APC: variants seen among roughly 807,000 people sequenced by gnomAD.
The protein encoded by APC is APC regulator of Wnt signaling pathway.
APC carries 72 observed loss-of-function variants against 247.0 expected under a neutral mutation model. The ratio of observed to expected loss-of-function variants is 0.29; its 90% confidence interval spans 0.24 to 0.35. APC has a LOEUF of 0.35. Ranked by LOEUF, APC falls within the 10% of genes least tolerant of loss-of-function variation. APC has a pLI of 1.00. For synonymous variants in APC, 1,254 were observed against 1,162.5 expected, an observed-to-expected ratio of 1.08 and a Z score of -1.60; for missense variants, 3,400 against 3,360.7, an observed-to-expected ratio of 1.01 and a Z score of -0.29.
At chr5:112,805,562 T>C (rs149097856) in intron 8 of APC, among the ~76,000 whole-genome samples, 1 of 152,344 alleles carries the variant, frequency 6.6e-6, no homozygotes, top group African/African-American at 2.4e-5. Flanking sequence ...TTTAAAACAA[T>C]ATTGCAGCTA....
At chr5:112,781,034 TA>T in intron 6 of APC, 131 bp downstream of exon 6, 1 of 715,910 alleles carries the variant, frequency 1.4e-6, no homozygotes, top group East Asian at 2.8e-5. Flanking sequence ...TATTTCAAAA[TA>T]AGATTTATCA....
At chr5:112,710,012 A>G (rs991539060) in intron 1 of APC, among the ~76,000 whole-genome samples, 2 of 151,952 alleles carry the variant, frequency 1.3e-5, no homozygotes, top group Non-Finnish European at 2.9e-5. Context: ...TGTTCTTCCA[A>G]CCCATTACCC....
intron 11 of APC, among the ~76,000 whole-genome samples, chr5:112,824,794 G>A (rs936518722): frequency 6.6e-6 from 1 of 151,976 alleles, no homozygotes; most frequent in African/African-American, 2.4e-5. Context: ...TCAATTTCAT[G>A]GGTCAAAATT....
intron 3 of APC, 151 bp from the exon 4 acceptor site, chr5:112,767,037 AG>A: frequency 1.4e-6 from 1 of 705,318 alleles, no homozygotes; most frequent in Non-Finnish European, 2.4e-6. Flanking sequence ...TGGACTTTTC[AG>A]GGAAAGTCCT....
rs781750782 is a variant in APC at position 112,842,561 on chromosome 5, T to A, written c.6967T>A (p.Ser2323Thr). Residue 2323 changes from serine (S) to threonine (T), a missense_variant, in exon 16 of 16, where the codon TCT becomes ACT. Ser to Thr is a moderately conservative substitution (Grantham distance 58). Coordinates refer to ENST00000257430, the MANE Select transcript of APC (RefSeq NM_000038.6). ...GCAACCATTAAGTAGACCTATACAG[T>A]CTCCTGGCCGAAACTCAATTTCCCC... ...AQQPLSRPIQ[S>T]PGRNSISPGR... is the part of the protein sequence containing the mutation. 6.2e-7 allele frequency: 1 copy of A among 1,613,852 alleles called. No individual in the cohort carries two copies. Among genetic ancestry groups the A allele is most frequent in the South Asian group, 1.1e-5 (1 of 91,072 alleles).
intron 8 of APC, among the ~76,000 whole-genome samples, chr5:112,809,888 T>G (rs901487234): frequency 2.0e-5 from 3 of 152,042 alleles, no homozygotes; most frequent in Admixed American, 1.3e-4. Flanking sequence ...TCCCAGCTAC[T>G]CGGGAGGCTG....
chr5:112,772,363 G>A (rs141827846), intron 4 of APC, among the ~76,000 whole-genome samples: 20 of 152,214 alleles, frequency 1.3e-4, no homozygotes, highest in Non-Finnish European at 2.9e-4. Flanking sequence ...TTTAGCTGAA[G>A]ACACTATAAC....
chr5:112,796,712 G>C (rs2149697955), intron 7 of APC, among the ~76,000 whole-genome samples: 1 of 151,960 alleles, frequency 6.6e-6, no homozygotes, highest in South Asian at 2.1e-4. Flanking sequence ...GCTTTCTACT[G>C]AAGTTTTTAT....
chr5:112,764,051 C>G (rs1755977744), intron 2 of APC, among the ~76,000 whole-genome samples: 1 of 146,968 alleles, frequency 6.8e-6, no homozygotes, highest in African/African-American at 2.5e-5. Flanking sequence ...TCCTGGCTAA[C>G]ACGGTGAAAC....
intron 8 of APC, among the ~76,000 whole-genome samples, chr5:112,802,214 C>T (rs1760903707): frequency 6.6e-6 from 1 of 151,934 alleles, no homozygotes; most frequent in African/African-American, 2.4e-5. Flanking sequence ...GAATATGCTT[C>T]TATTAGTTCA....
At chr5:112,792,342 G>T (rs1213816399) in intron 6 of APC, 104 bp from the exon 7 acceptor site, 15 of 717,734 alleles carry the variant, frequency 2.1e-5, no homozygotes, top group Non-Finnish European at 3.5e-5. Flanking sequence ...AAATGAGAAT[G>T]ATTTGACATA....
chr5:112,805,293 A>G (rs372859169), intron 8 of APC, among the ~76,000 whole-genome samples: 102 of 152,322 alleles, frequency 6.7e-4, no homozygotes, highest in African/African-American at 2.2e-3. Context: ...TTAGGTTGCC[A>G]TACTTCAGAG....
chr5:112,808,884 TA>T (rs1440898892), intron 8 of APC, among the ~76,000 whole-genome samples: 1 of 152,120 alleles, frequency 6.6e-6, no homozygotes, highest in African/African-American at 2.4e-5. Flanking sequence ...TATGAGTGTT[TA>T]GGGGGAAGGA....
chr5:112,839,287 C>T lies in APC; in HGVS notation c.3693C>T (p.Leu1231=), dbSNP rs1554085234. The T allele has an allele frequency of 6.2e-7, 1 of 1,614,106 alleles. No homozygotes were observed. The highest frequency in any genetic ancestry group is 8.5e-7 in the Non-Finnish European group (1 of 1,180,016). ...PSSNAKRQNQ[L]HPSSAQSRSG... ...CTAATGCCAAGAGGCAGAATCAGCT[C>T]CATCCAAGTTCTGCACAGAGTAGAA... is the stretch of plus-strand genomic sequence containing the variant. Residue 1231 remains leucine (L), a synonymous_variant, in exon 16 of 16, where the codon CTC becomes CTT. Transcript: ENST00000257430. The surrounding 1 kb of genome is among the most constrained non-coding windows in gnomAD (Gnocchi z 5.0).
At chr5:112,822,602 C>G (rs1486064061) in intron 11 of APC, among the ~76,000 whole-genome samples, 1 of 152,110 alleles carries the variant, frequency 6.6e-6, no homozygotes, top group East Asian at 1.9e-4. Context: ...GCAGTGCACT[C>G]CATTTTTTAT....
intron 1 of APC, among the ~76,000 whole-genome samples, chr5:112,717,908 C>CTTTTTCTTTTTTTTTTTTTTTT (rs1751264440): frequency 2.5e-5 from 1 of 40,634 alleles, no homozygotes; most frequent in Non-Finnish European, 4.5e-5. Context: ...TTTTCTTTTT[C>CTTTTTCTTTTTTTTTTTTTTTT]TTTTTTTTTT....
At chr5:112,748,928 A>G (rs1017518894) in intron 1 of APC, among the ~76,000 whole-genome samples, 134 of 152,338 alleles carry the variant, frequency 8.8e-4, no homozygotes, top group Middle Eastern at 3.4e-3. Context: ...GACTTGAGCC[A>G]GGGAGGTCAA....
rs1561609708 is a variant in APC at position 112,842,330 on chromosome 5, GT to G, written c.6739del (p.Ser2247LeufsTer32). ...AAATAGCTCCTCAAGTACAAGTCCT[GT>G]TTCTAAAAAAGGCCCACCCCTTAAG... ...VRNSSSSTSP[V>X]SKKGPPLKTP... On this transcript the variant is annotated frameshift_variant, in exon 16 of 16. Transcript: ENST00000257430. LOFTEE classifies it high-confidence loss of function. 6.2e-7 allele frequency: 1 copy of G among 1,613,836 alleles called. No individual in the cohort carries two copies. Among genetic ancestry groups the G allele is most frequent in the Admixed American group, 1.7e-5 (1 of 59,992 alleles).
At chr5:112,764,395 G>C (rs765258802) in intron 2 of APC, among the ~76,000 whole-genome samples, 24 of 152,200 alleles carry the variant, frequency 1.6e-4, no homozygotes, top group Non-Finnish European at 8.8e-5. Flanking sequence ...ATATGAAAGA[G>C]ATAGCTGTAA....
Sources: gnomAD v4.1 joint callset for allele counts (sites outside exome capture counted in the v4.1 genomes callset) on GRCh38, gnomAD v4.1.1 for gene constraint, Gnocchi (gnomAD v3.1) non-coding constraint, MANE v1.5 for transcripts, NCBI Gene and HGNC (gene_info 2026-07-23, HGNC 2026-07-21) for gene names.